DPP10: variants seen among roughly 807,000 people sequenced by gnomAD.
DPP10 encodes inactive dipeptidyl peptidase 10.
Under a neutral mutation model 120.9 loss-of-function variants are expected in DPP10, and 33 were observed. The observed-to-expected ratio is 0.27, with a 90% CI of 0.21 to 0.37. The LOEUF is 0.37. DPP10 is among the 10% of genes least tolerant of loss of function. The pLI, the probability that DPP10 is intolerant of heterozygous loss-of-function variation, is 1.00. For missense variants in DPP10, 816 were observed against 942.8 expected, an observed-to-expected ratio of 0.87 and a Z score of 1.76; for synonymous variants, 337 against 326.1, an observed-to-expected ratio of 1.03 and a Z score of -0.36.
At chr2:115,067,736 G>A (rs1282171727) in intron 1 of DPP10, among the ~76,000 whole-genome samples, 5 of 148,776 alleles carry the variant, frequency 3.4e-5, no homozygotes, top group South Asian at 2.1e-4. Context: ...GGTGGCGGGC[G>A]CCTGTAGTCC....
chr2:115,442,055 G>T (rs950225897), intron 3 of DPP10, among the ~76,000 whole-genome samples: 3 of 151,096 alleles, frequency 2.0e-5, no homozygotes, highest in South Asian at 2.1e-4. Context: ...TTCATGATCT[G>T]CCCGCCTCGG....
intron 5 of DPP10, among the ~76,000 whole-genome samples, chr2:115,542,783 A>G (rs1246797402): frequency 6.6e-6 from 1 of 151,832 alleles, no homozygotes; most frequent in Non-Finnish European, 1.5e-5. Context: ...CTGTATAACT[A>G]TGGTGATTGT....
intron 9 of DPP10, among the ~76,000 whole-genome samples, chr2:115,745,836 C>A (rs1345784559): frequency 6.6e-6 from 1 of 152,044 alleles, no homozygotes; most frequent in African/African-American, 2.4e-5. Flanking sequence ...GAAGCACTGC[C>A]TAATGAGTGA....
intron 1 of DPP10, among the ~76,000 whole-genome samples, chr2:114,644,206 T>C (rs1452790720): frequency 6.6e-6 from 1 of 150,762 alleles, no homozygotes; most frequent in Non-Finnish European, 1.5e-5. Context: ...CCTCCCAAAG[T>C]GCTGGGATTA....
intron 1 of DPP10, among the ~76,000 whole-genome samples, chr2:114,533,602 A>G (rs570832720): frequency 6.6e-6 from 1 of 152,204 alleles, no homozygotes; most frequent in East Asian, 1.9e-4. Flanking sequence ...CATCCTGCCC[A>G]TGTACTCCTG....
intron 3 of DPP10, among the ~76,000 whole-genome samples, chr2:115,351,374 G>A (rs1321946192): frequency 6.6e-6 from 1 of 152,040 alleles, no homozygotes; most frequent in East Asian, 1.9e-4. Flanking sequence ...CTCCAAAGGT[G>A]GGGAGCGGAG....
intron 19 of DPP10, among the ~76,000 whole-genome samples, chr2:115,793,781 A>T (rs1219836982): frequency 6.6e-6 from 1 of 152,080 alleles, no homozygotes; most frequent in African/African-American, 2.4e-5. Flanking sequence ...AATTGACATT[A>T]TCCACACTTT....
chr2:114,763,912 T>A (rs922947766), intron 1 of DPP10, among the ~76,000 whole-genome samples: 2 of 152,216 alleles, frequency 1.3e-5, no homozygotes, highest in Non-Finnish European at 2.9e-5. Flanking sequence ...GCCTCTCTGA[T>A]AAGATCCTAG....
At chr2:115,354,473 T>A (rs2064237421) in intron 3 of DPP10, among the ~76,000 whole-genome samples, 1 of 152,178 alleles carries the variant, frequency 6.6e-6, no homozygotes, top group Non-Finnish European at 1.5e-5. Flanking sequence ...TCTGCATTAA[T>A]TAGCATAGGA....
chr2:115,265,592 T>TG (rs1365213644), intron 1 of DPP10, among the ~76,000 whole-genome samples: 1 of 152,056 alleles, frequency 6.6e-6, no homozygotes, highest in African/African-American at 2.4e-5. Flanking sequence ...TTTATTTCAT[T>TG]GGGGGTGAGT....
chr2:114,652,816 T>C (rs1420048337), intron 1 of DPP10, among the ~76,000 whole-genome samples: 1 of 152,040 alleles, frequency 6.6e-6, no homozygotes, highest in African/African-American at 2.4e-5. Flanking sequence ...TGTGTTCAGG[T>C]TGGGGAGAGA....
At chr2:114,582,248 C>T (rs1044937102) in intron 1 of DPP10, among the ~76,000 whole-genome samples, 2 of 152,068 alleles carry the variant, frequency 1.3e-5, no homozygotes, top group Admixed American at 6.5e-5. Context: ...TTTCAGTTTC[C>T]TCCATGTCCT....
intron 1 of DPP10, among the ~76,000 whole-genome samples, chr2:114,990,155 G>T (rs994947429): frequency 1.3e-5 from 2 of 151,990 alleles, no homozygotes; most frequent in African/African-American, 4.8e-5. Flanking sequence ...GGTTTTGCAC[G>T]ATTTAAATAA....
intron 1 of DPP10, among the ~76,000 whole-genome samples, chr2:114,601,060 T>C (rs1692324044): frequency 6.6e-6 from 1 of 151,860 alleles, no homozygotes; most frequent in South Asian, 2.1e-4. Flanking sequence ...ACATTTCCTA[T>C]GTAAAGCCTG....
At chr2:115,090,110 C>T (rs1230307042) in intron 1 of DPP10, among the ~76,000 whole-genome samples, 2 of 148,852 alleles carry the variant, frequency 1.3e-5, no homozygotes, top group East Asian at 4.0e-4. Context: ...TTTTATTTTT[C>T]TCTTCTTGAG....
chr2:114,653,170 G>A (rs774936856), intron 1 of DPP10, among the ~76,000 whole-genome samples: 6 of 152,020 alleles, frequency 3.9e-5, no homozygotes, highest in African/African-American at 4.8e-5. Flanking sequence ...TTTTGCAGAC[G>A]TAATTAGAGA....
chr2:115,293,463 C>T (rs528110861), intron 1 of DPP10, among the ~76,000 whole-genome samples: 5 of 152,034 alleles, frequency 3.3e-5, no homozygotes, highest in African/African-American at 4.8e-5. Context: ...TTCAGTTAAC[C>T]GTGACGTAGG....
chr2:114,787,149 C>G (rs1316312247), intron 1 of DPP10, among the ~76,000 whole-genome samples: 1 of 152,126 alleles, frequency 6.6e-6, no homozygotes, highest in Non-Finnish European at 1.5e-5. Flanking sequence ...TTTTATTTGG[C>G]TGGTGGTTGG....
At chr2:115,777,436 A>G (rs527330468) in intron 14 of DPP10, 137 bp downstream of exon 14, 7 of 720,626 alleles carry the variant, frequency 9.7e-6, no homozygotes, top group Non-Finnish European at 1.6e-5. Context: ...TTCTTTAAAG[A>G]CCTCTTCCAC....
Sources: gnomAD v4.1 joint callset for allele counts (sites outside exome capture counted in the v4.1 genomes callset) on GRCh38, gnomAD v4.1.1 for gene constraint, MANE v1.5 for transcripts, NCBI Gene and HGNC (gene_info 2026-07-23, HGNC 2026-07-21) for gene names.